Variants in DNMT1 observed in about 807,000 individuals in gnomAD.
DNMT1 encodes DNA (cytosine-5)-methyltransferase 1.
In DNMT1, 24 loss-of-function variants were observed where a neutral mutation model predicts 205.3. The ratio of observed to expected loss-of-function variants is 0.12; its 90% CI spans 0.08 to 0.16. The LOEUF is 0.16. Among genes scored for constraint, DNMT1 ranks in the 10% least tolerant of loss-of-function variants. The pLI is 1.00. For missense variants in DNMT1, 1,293 were observed against 2,177.7 expected (o/e 0.59, Z 8.09); for synonymous variants, 817 against 839.8 (o/e 0.97, Z 0.47).
At position 10,162,673 on chromosome 19, in the gene DNMT1, A is replaced by G; in HGVS notation, c.1002T>C (p.Asp334=). The part of the protein sequence containing the change: ...NPQISDEKDE[D]EKEEKRRKTT... ...AGAAAAGTGAGACCTTTACCTTTTCATCCTCGTCTTTTTCATCAGAAATCT... is the reference window on the plus strand; with the variant it reads ...AGAAAAGTGAGACCTTTACCTTTTCGTCCTCGTCTTTTTCATCAGAAATCT... Residue 334 remains aspartate (D), a synonymous_variant, in exon 13 of 41, where the codon GAT becomes GAC. Transcript: ENST00000359526. 1 of 1,611,964 alleles carries G rather than the reference A, an allele frequency of 6.2e-7. No individual in the cohort carries two copies. The highest frequency in any genetic ancestry group is 1.1e-5 in the South Asian group (1 of 91,032).
chr19:10,173,472 G>A (rs145352260), intron 8 of DNMT1, among the ~76,000 whole-genome samples: 4 of 151,446 alleles, frequency 2.6e-5, no homozygotes, highest in Non-Finnish European at 4.4e-5. Context: ...GGAAACACAC[G>A]ATAAAGTTCT....
Position 10,146,466 on chromosome 19 carries a change from G to A in DNMT1, c.2779C>T (p.Leu927=). 6.2e-7 allele frequency: 1 copy of A among 1,614,136 alleles called. No individual in the cohort carries two copies. Among genetic ancestry groups the A allele is most frequent in the Non-Finnish European group, 8.5e-7 (1 of 1,180,026 alleles). The part of the protein sequence containing the change: ...EMRQKEIPRV[L]EQLEDLDSRV... ...CTATCCAGGTCCTCGAGCTGCTCCA[G>A]GACCCTGGGGATTTCTTTTTGCCTC... is the stretch of plus-strand genomic sequence containing the variant. The change falls in exon 28 of 41, where the codon CTG becomes TTG. Residue 927 remains leucine, a synonymous_variant. Transcript: ENST00000359526. This position sits in a 1 kb window ranked among gnomAD's most constrained non-coding sequence, Gnocchi z 4.4.
At position 10,171,988 on chromosome 19, in the gene DNMT1, T is replaced by C. The variant is rs1057150911; in HGVS notation, c.768+1102A>G. 4.0e-5 allele frequency among the ~76,000 whole-genome samples: 6 copies of C among 149,120 alleles called. No individual in the cohort carries two copies. In the South Asian group the frequency reaches 8.5e-4, roughly 21 times the overall value. On this transcript the variant is annotated intron_variant, in intron 9 of 40. Coordinates refer to ENST00000359526, the MANE Select transcript of DNMT1 (RefSeq NM_001130823.3). ...CACCTCTGCACTCCAGCCTGGGTGATAGAGCGGGAGACTGTCTCAAAAAAA... is the reference window on the plus strand; with the variant it reads ...CACCTCTGCACTCCAGCCTGGGTGACAGAGCGGGAGACTGTCTCAAAAAAA...
At chr19:10,179,379 C>T (rs1214388676) in intron 5 of DNMT1, among the ~76,000 whole-genome samples, 1 of 151,592 alleles carries the variant, frequency 6.6e-6, no homozygotes, top group Non-Finnish European at 1.5e-5. Context: ...ATTACAGACA[C>T]CCGCCACCAC....
intron 25 of DNMT1, 83 bp from the exon 26 acceptor site, chr19:10,149,740 CT>C: frequency 6.2e-7 from 1 of 1,609,350 alleles, no homozygotes; most frequent in Middle Eastern, 1.7e-4. Flanking sequence ...AGCACTCGTC[CT>C]TTTCAGTTTT....
intron 30 of DNMT1, 89 bp from the exon 31 acceptor site, chr19:10,141,278 C>T: frequency 2.2e-6 from 3 of 1,364,058 alleles, no homozygotes; most frequent in Non-Finnish European, 3.1e-6. Flanking sequence ...TTGATAGTCA[C>T]TTAATTTCTC....
intron 33 of DNMT1, 61 bp downstream of exon 33, chr19:10,139,985 T>C (rs535321879): frequency 3.7e-6 from 6 of 1,601,316 alleles, no homozygotes; most frequent in Non-Finnish European, 5.1e-6. Flanking sequence ...AAATGACCAC[T>C]GCTGACATGC....
chr19:10,177,796 G>A (rs987693269), intron 5 of DNMT1, among the ~76,000 whole-genome samples: 2 of 151,960 alleles, frequency 1.3e-5, no homozygotes, highest in African/African-American at 4.8e-5. Flanking sequence ...AGCTGGGCGT[G>A]GTGGTACACA....
At position 10,154,937 on chromosome 19, in the gene DNMT1, A is replaced by G; in HGVS notation, c.1612T>C (p.Ser538Pro). Residue 538 changes from serine to proline, a missense_variant, in exon 20 of 41, where the codon TCG becomes CCG. Ser to Pro is a moderately conservative substitution (Grantham distance 74). This residue lies in a region of DNMT1 where 120 missense variants were observed against 315.9 expected (regional missense o/e 0.38). Coordinates refer to ENST00000359526, the MANE Select transcript of DNMT1 (RefSeq NM_001130823.3). This position sits in a 1 kb window ranked among gnomAD's most constrained non-coding sequence, Gnocchi z 6.3. ...VVEFLQSNSD[S>P]TYEDLINKIE... Reference sequence around the variant, plus strand: ...TTGTTGATCAGGTCCTCATAGGTCGAGTCGGAATTGCTCTGCAGGAACTCC... The same window carrying G: ...TTGTTGATCAGGTCCTCATAGGTCGGGTCGGAATTGCTCTGCAGGAACTCC... The G allele has an allele frequency of 6.2e-7, 1 of 1,614,206 alleles. No homozygotes were observed. Among genetic ancestry groups the G allele is most frequent in the Non-Finnish European group, 8.5e-7 (1 of 1,180,038 alleles).
In DNMT1 at chr19:10,139,685, G is replaced by A. The variant is rs142903301; in HGVS notation, c.3939C>T (p.Gly1313=). 0.013 allele frequency: 21,312 copies of A among 1,613,040 alleles called. 169 individuals are homozygous for A. The highest frequency in any genetic ancestry group is 0.016 in the Non-Finnish European group (19,317 of 1,179,876). The change falls in exon 34 of 41, where the codon GGC becomes GGT. Residue 1313 remains glycine (G), a synonymous_variant. Transcript: ENST00000359526. ...LVRMGYQCTF[G]VLQAGQYGVA... Reference sequence around the variant, plus strand: ...CAGCCCCAGGGCCCACCTGCAGCACGCCGAAGGTGCACTGATAGCCCATGC... The same window carrying A: ...CAGCCCCAGGGCCCACCTGCAGCACACCGAAGGTGCACTGATAGCCCATGC...
intron 30 of DNMT1, chr19:10,141,497 G>C (rs954979196): frequency 1.4e-5 from 6 of 420,374 alleles, no homozygotes; most frequent in Non-Finnish European, 2.7e-5. Context: ...TCCATGCCTG[G>C]GAGAACGTGG....
chr19:10,180,719 A>G, intron 3 of DNMT1, 59 bp downstream of exon 3: 1 of 1,554,896 alleles, frequency 6.4e-7, no homozygotes, highest in South Asian at 1.1e-5. Flanking sequence ...CCCTGGTCAC[A>G]GACAAGTTAC....
At chr19:10,194,562 G>C (rs2039366727) in intron 1 of DNMT1, 1 of 451,328 alleles carries the variant, frequency 2.2e-6, no homozygotes, top group Non-Finnish European at 3.9e-6. Context: ...GGGATCAAAA[G>C]AGAACCCCCA....
chr19:10,142,354 G>C (rs1568224986), intron 29 of DNMT1, 134 bp from the exon 30 acceptor site: 2 of 1,234,834 alleles, frequency 1.6e-6, no homozygotes, highest in African/African-American at 3.0e-5. Flanking sequence ...GCAGGGTAAA[G>C]ACCCCCTCAG....
At chr19:10,188,627 A>C (rs1291990167) in intron 1 of DNMT1, among the ~76,000 whole-genome samples, 1 of 152,192 alleles carries the variant, frequency 6.6e-6, no homozygotes, top group Middle Eastern at 3.2e-3. Context: ...GCGATTTTGC[A>C]GATGTAACTA....
At position 10,140,979 on chromosome 19, in the gene DNMT1, G is replaced by A; in HGVS notation, c.3395-70C>T. 3 of 1,613,648 alleles carry A rather than the reference G, an allele frequency of 1.9e-6. No homozygotes were observed. The highest frequency in any genetic ancestry group is 2.5e-6 in the Non-Finnish European group (3 of 1,179,948). On this transcript the variant is annotated intron_variant, in intron 31 of 40. Transcript: ENST00000359526. The surrounding 1 kb of genome is among the most constrained non-coding windows in gnomAD (Gnocchi z 8.4). ...AGTCCACCTTGCTCTCAAGCGCCTT[G>A]TTAACTCAGGCGGCCTCGCTGTCCC... is the stretch of plus-strand genomic sequence containing the variant.
intron 28 of DNMT1, 97 bp from the exon 29 acceptor site, chr19:10,144,084 C>T: frequency 8.1e-7 from 1 of 1,235,768 alleles, no homozygotes; most frequent in Admixed American, 1.7e-5. Context: ...TAAAGTCAAG[C>T]ACCTGATGAA....
At chr19:10,172,567 G>A (rs2038845002) in intron 9 of DNMT1, among the ~76,000 whole-genome samples, 1 of 152,094 alleles carries the variant, frequency 6.6e-6, no homozygotes. Context: ...GCTCATGCCT[G>A]TAATCCTAGC....
rs752113195 is a variant in DNMT1 at position 10,135,875 on chromosome 19, G to A, written c.4657-23C>T. On this transcript the variant is annotated intron_variant, in intron 38 of 40. Coordinates refer to ENST00000359526, the MANE Select transcript of DNMT1 (RefSeq NM_001130823.3). ...GCCCTGGGGGAAAGAGGCGCGGTGG[G>A]CGAGGGCAGTAGCACCCAGGCCGGG... 11 of 1,541,384 alleles carry A rather than the reference G, an allele frequency of 7.1e-6. 1 individual carries two copies. In the Admixed American group the frequency reaches 2.0e-4, roughly 27 times the overall value.
Sources: allele counts gnomAD v4.1 joint callset (sites outside exome capture counted in the v4.1 genomes callset), GRCh38; gene constraint gnomAD v4.1.1; regional missense constraint gnomAD v4.1.1; non-coding constraint Gnocchi (gnomAD v3.1); transcripts MANE v1.5; gene names NCBI Gene and HGNC (gene_info 2026-07-23, HGNC 2026-07-21).